Variants in IFT52 observed in about 807,000 individuals in gnomAD.
IFT52 encodes the protein intraflagellar transport protein 52 homolog.
IFT52 carries 44 observed loss-of-function variants against 54.4 expected under a neutral mutation model. The ratio of observed to expected loss-of-function variants is 0.81; its 90% CI spans 0.63 to 1.04. IFT52 has a LOEUF of 1.04. Ranked by LOEUF, IFT52 falls within the 50% of genes least tolerant of loss-of-function variation. The pLI is 0.00. For synonymous variants in IFT52, 181 were observed against 185.3 expected (o/e 0.98, Z 0.19); for missense variants, 452 against 523.6 (o/e 0.86, Z 1.33).
chr20:43,593,268 T>G (rs1426393209), intron 1 of IFT52, among the ~76,000 whole-genome samples: 2 of 150,810 alleles, frequency 1.3e-5, no homozygotes, highest in South Asian at 2.1e-4. Context: ...ATGAGGGGGG[T>G]TTTTTGGCCC....
At chr20:43,604,382 C>A in intron 5 of IFT52, 124 bp downstream of exon 5, 1 of 629,228 alleles carries the variant, frequency 1.6e-6, no homozygotes, top group Non-Finnish European at 2.8e-6. Flanking sequence ...CCAGCCTGGC[C>A]AACATGGTGA....
intron 9 of IFT52, 70 bp downstream of exon 9, chr20:43,620,995 C>T: frequency 9.3e-7 from 1 of 1,079,224 alleles, no homozygotes; most frequent in Non-Finnish European, 1.4e-6. Flanking sequence ...CTTCTCACAG[C>T]TCAAAAGGAA....
intron 11 of IFT52, 34 bp from the exon 12 acceptor site, chr20:43,637,111 C>A: frequency 7.1e-7 from 1 of 1,416,744 alleles, no homozygotes; most frequent in East Asian, 2.3e-5. Context: ...CTTATCCTCC[C>A]TCATTTCTAA....
chr20:43,602,175 ATTTATTTT>A (rs1467235326), intron 3 of IFT52, among the ~76,000 whole-genome samples: 2 of 150,554 alleles, frequency 1.3e-5, no homozygotes, highest in African/African-American at 4.9e-5. Context: ...TTATTTATTT[ATTTATTTT>A]GAGACAGAGT....
chr20:43,626,936 G>T (rs74171239), intron 10 of IFT52, among the ~76,000 whole-genome samples: 1 of 152,086 alleles, frequency 6.6e-6, no homozygotes, highest in Non-Finnish European at 1.5e-5. Context: ...AGGCCGAGGT[G>T]GGTGGATCAC....
At chr20:43,624,079 C>T in intron 10 of IFT52, 34 bp downstream of exon 10, 3 of 1,605,598 alleles carry the variant, frequency 1.9e-6, no homozygotes, top group Middle Eastern at 1.7e-4. Context: ...CCACACTGCA[C>T]TCCATTCTGA....
chr20:43,604,961 A>G (rs757637230), intron 5 of IFT52, 41 bp from the exon 6 acceptor site: 2 of 1,604,624 alleles, frequency 1.2e-6, no homozygotes, highest in African/African-American at 1.3e-5. Flanking sequence ...GAAATTCTCA[A>G]ATTTTTTTTG....
chr20:43,631,711 G>A (rs775378131), intron 10 of IFT52, among the ~76,000 whole-genome samples: 4 of 152,088 alleles, frequency 2.6e-5, no homozygotes, highest in Non-Finnish European at 5.9e-5. Context: ...CTGTAGGCTC[G>A]CTCCTAACAC....
At chr20:43,603,641 T>C (rs1982624391) in intron 3 of IFT52, 119 bp from the exon 4 acceptor site, 16 of 873,766 alleles carry the variant, frequency 1.8e-5, no homozygotes, top group Non-Finnish European at 2.8e-5. Flanking sequence ...TATACATTTA[T>C]ATGTAAATGC....
chr20:43,623,007 T>C (rs1984456419), intron 9 of IFT52, among the ~76,000 whole-genome samples: 1 of 152,002 alleles, frequency 6.6e-6, no homozygotes, highest in South Asian at 2.1e-4. Flanking sequence ...GTGGAGGAAC[T>C]GTCTGTACTG....
At chr20:43,612,145 G>C (rs1372200767) in intron 6 of IFT52, among the ~76,000 whole-genome samples, 1 of 152,106 alleles carries the variant, frequency 6.6e-6, no homozygotes, top group Non-Finnish European at 1.5e-5. Flanking sequence ...GGGAAAATGT[G>C]GGGGATAGAT....
At chr20:43,606,740 G>T (rs1347649262) in intron 6 of IFT52, among the ~76,000 whole-genome samples, 1 of 152,122 alleles carries the variant, frequency 6.6e-6, no homozygotes, top group East Asian at 1.9e-4. Context: ...GCAGCCTTCC[G>T]CAGTGTTTGT....
chr20:43,598,506 C>T (rs1380113234), intron 3 of IFT52, among the ~76,000 whole-genome samples: 1 of 152,026 alleles, frequency 6.6e-6, no homozygotes, highest in Non-Finnish European at 1.5e-5. Context: ...ACCAGCTTGG[C>T]CAACATGGTG....
chr20:43,623,956 GGAGAGTGATGAGATCCCAA>G lies in IFT52; in HGVS notation c.836_854del (p.Glu279GlyfsTer29). The G allele has an allele frequency of 6.2e-7, 1 of 1,614,128 alleles. No individual in the cohort carries two copies. The highest frequency in any genetic ancestry group is 1.1e-5 in the South Asian group (1 of 91,080). ...CAAAGCGGAATCGAGAGTGTCTCCAGGAGAGTGATGAGATCCCAAGGGACTTTACCACCCTCTTCGACCT... is the reference window on the plus strand; with the variant it reads ...CAAAGCGGAATCGAGAGTGTCTCCAGGGGACTTTACCACCCTCTTCGACCT... On this transcript the variant is annotated frameshift_variant, in exon 10 of 14. Coordinates refer to ENST00000373030, the MANE Select transcript of IFT52 (RefSeq NM_016004.5). LOFTEE classifies it high-confidence loss of function.
chr20:43,639,544 C>T (rs1985772304), intron 12 of IFT52, among the ~76,000 whole-genome samples: 1 of 152,202 alleles, frequency 6.6e-6, no homozygotes, highest in South Asian at 2.1e-4. Context: ...GTGGCGCATG[C>T]CTGTAATCCC....
intron 6 of IFT52, among the ~76,000 whole-genome samples, chr20:43,611,173 TG>T (rs1458717040): frequency 6.6e-6 from 1 of 152,174 alleles, no homozygotes; most frequent in Non-Finnish European, 1.5e-5. Context: ...CTTTGCCTGT[TG>T]GAGTCTCAGA....
Position 43,605,287 on chromosome 20 carries a change from TG to T in IFT52, c.485+215del, listed in dbSNP as rs541189954. 170 of 1,242,412 alleles carry T rather than the reference TG, an allele frequency of 1.4e-4. No individual in the cohort carries two copies. The African/African-American group carries it at 2.6e-3, about 19-fold the overall frequency. The allele number at this position is 1,242,412 out of a possible 1,614,324, so 77.0% of individuals were successfully genotyped here. A position where few individuals can be genotyped will look rare whatever the true frequency, so the allele number is the denominator to read the frequency against. On this transcript the variant is annotated intron_variant, in intron 6 of 13. Transcript: ENST00000373030. ...TAGGCCCAGCATGGTGGCTCACGCCTGTAATCCTAGCACTTTTGGGAGGCCG... is the reference window on the plus strand; with the variant it reads ...TAGGCCCAGCATGGTGGCTCACGCCTTAATCCTAGCACTTTTGGGAGGCCG...
At chr20:43,618,053 T>C (rs1425819160) in intron 7 of IFT52, among the ~76,000 whole-genome samples, 1 of 152,214 alleles carries the variant, frequency 6.6e-6, no homozygotes, top group African/African-American at 2.4e-5. Flanking sequence ...TCAGCCTGCT[T>C]TAGCTTTCTA....
chr20:43,606,369 G>C (rs565625853), intron 6 of IFT52, among the ~76,000 whole-genome samples: 1 of 150,384 alleles, frequency 6.6e-6, no homozygotes, highest in Non-Finnish European at 1.5e-5. Context: ...CGCCTCCCAG[G>C]TTCAAGTGGT....
Sources: allele counts gnomAD v4.1 joint callset (sites outside exome capture counted in the v4.1 genomes callset), GRCh38; gene constraint gnomAD v4.1.1; transcripts MANE v1.5; gene names NCBI Gene and HGNC (gene_info 2026-07-23, HGNC 2026-07-21).